Variants in GALNTL6 observed in about 807,000 individuals in gnomAD.
GALNTL6 encodes the protein polypeptide N-acetylgalactosaminyltransferase like 6.
In GALNTL6, 46 loss-of-function variants were observed where a neutral mutation model predicts 73.7. That is an observed-to-expected ratio of 0.62 (90% CI 0.49 to 0.80). The LOEUF (loss-of-function observed/expected upper bound fraction) is 0.80, where lower values mean the gene tolerates loss of function less well. GALNTL6 is among the 30% of genes least tolerant of loss of function. The probability of loss-of-function intolerance (pLI) is 0.00; values close to 1 mark genes in which losing one functional copy is unlikely to be tolerated. For synonymous variants in GALNTL6, 259 were observed against 263.7 expected, an observed-to-expected ratio of 0.98 and a Z score of 0.17; for missense variants, 604 against 755.0, an observed-to-expected ratio of 0.80 and a Z score of 2.34.
chr4:172,038,753 T>C (rs1560895845), intron 2 of GALNTL6, among the ~76,000 whole-genome samples: 2 of 152,146 alleles, frequency 1.3e-5, no homozygotes, highest in African/African-American at 4.8e-5. Flanking sequence ...ATCCATGTGA[T>C]ATATTTTTAA....
chr4:172,761,693 CTCTT>C (rs1336883604), intron 5 of GALNTL6, among the ~76,000 whole-genome samples: 1 of 151,846 alleles, frequency 6.6e-6, no homozygotes, highest in Non-Finnish European at 1.5e-5. Context: ...CTCTCTCTCT[CTCTT>C]TCTCTCTCTC....
At chr4:172,278,241 A>C (rs1218813333) in intron 3 of GALNTL6, among the ~76,000 whole-genome samples, 4 of 152,158 alleles carry the variant, frequency 2.6e-5, no homozygotes, top group Admixed American at 2.0e-4. Flanking sequence ...AAAATGTTTA[A>C]TAAGATATTT....
chr4:172,265,488 T>C (rs1208792653), intron 3 of GALNTL6, among the ~76,000 whole-genome samples: 1 of 152,108 alleles, frequency 6.6e-6, no homozygotes, highest in Non-Finnish European at 1.5e-5. Context: ...AGATTCATCA[T>C]GTACAAAATA....
intron 9 of GALNTL6, among the ~76,000 whole-genome samples, chr4:172,949,931 AAGAAAAG>A (rs1409516546): frequency 6.6e-6 from 1 of 152,060 alleles, no homozygotes; most frequent in Non-Finnish European, 1.5e-5. Context: ...GAAAAAAAGA[AAGAAAAG>A]AAAAAGAAAA....
chr4:172,093,423 T>C (rs1732262884), intron 2 of GALNTL6, among the ~76,000 whole-genome samples: 1 of 152,180 alleles, frequency 6.6e-6, no homozygotes, highest in African/African-American at 2.4e-5. Context: ...TCATACCGTA[T>C]AACATTTTAC....
At chr4:172,943,607 C>A (rs183623204) in intron 9 of GALNTL6, among the ~76,000 whole-genome samples, 290 of 152,274 alleles carry the variant, frequency 1.9e-3, no homozygotes, top group Non-Finnish European at 3.6e-3. Flanking sequence ...CCTCAGGTGG[C>A]ACATTTGAAG....
chr4:172,250,560 A>G (rs1204450267), intron 3 of GALNTL6, among the ~76,000 whole-genome samples: 1 of 152,076 alleles, frequency 6.6e-6, no homozygotes, highest in Admixed American at 6.6e-5. Context: ...GAGGGACCCC[A>G]TAAGATCTGA....
intron 2 of GALNTL6, among the ~76,000 whole-genome samples, chr4:171,981,732 G>A (rs974415074): frequency 5.3e-5 from 8 of 151,942 alleles, no homozygotes; most frequent in African/African-American, 1.9e-4. Context: ...AGAATGCTTA[G>A]CTACTTTCAG....
intron 9 of GALNTL6, among the ~76,000 whole-genome samples, chr4:172,946,930 A>G (rs1437279535): frequency 6.6e-6 from 1 of 152,188 alleles, no homozygotes; most frequent in African/African-American, 2.4e-5. Flanking sequence ...AGAAAGATGA[A>G]TTGCCGGGCA....
chr4:172,884,546 CA>C (rs1745622375), intron 8 of GALNTL6, among the ~76,000 whole-genome samples: 1 of 152,108 alleles, frequency 6.6e-6, no homozygotes, highest in Admixed American at 6.5e-5. Context: ...AGATAGTTTG[CA>C]AACATTTTCT....
chr4:171,855,852 A>G (rs949842672), intron 2 of GALNTL6, among the ~76,000 whole-genome samples: 1 of 152,154 alleles, frequency 6.6e-6, no homozygotes, highest in Admixed American at 6.5e-5. Context: ...AGAATTATCT[A>G]ATGACATATG....
chr4:172,651,909 A>C (rs1029485729), intron 5 of GALNTL6, among the ~76,000 whole-genome samples: 5 of 152,230 alleles, frequency 3.3e-5, no homozygotes, highest in Non-Finnish European at 7.3e-5. Context: ...CTCCGAATTC[A>C]TACCACCATT....
intron 5 of GALNTL6, among the ~76,000 whole-genome samples, chr4:172,387,740 G>A (rs1743522167): frequency 6.6e-6 from 1 of 152,004 alleles, no homozygotes; most frequent in African/African-American, 2.4e-5. Context: ...CCATGATCTT[G>A]TCCCCTGTCT....
chr4:172,440,761 T>C (rs1731806128), intron 5 of GALNTL6, among the ~76,000 whole-genome samples: 1 of 135,462 alleles, frequency 7.4e-6, no homozygotes, highest in Admixed American at 7.9e-5. Context: ...CTAACTTTGC[T>C]GTAAATCTAA....
At chr4:172,949,227 C>A (rs1016673167) in intron 9 of GALNTL6, among the ~76,000 whole-genome samples, 1 of 152,186 alleles carries the variant, frequency 6.6e-6, no homozygotes, top group African/African-American at 2.4e-5. Flanking sequence ...GTTTCTGGAA[C>A]CACACAAGAT....
chr4:172,296,784 C>T (rs951739873), intron 3 of GALNTL6, among the ~76,000 whole-genome samples: 1 of 152,154 alleles, frequency 6.6e-6, no homozygotes, highest in African/African-American at 2.4e-5. Context: ...TGTCTTGGTT[C>T]CAAGTCTTTG....
intron 2 of GALNTL6, among the ~76,000 whole-genome samples, chr4:172,141,038 T>G (rs1330483175): frequency 6.6e-6 from 1 of 152,066 alleles, no homozygotes; most frequent in East Asian, 1.9e-4. Context: ...AACCTATTCA[T>G]AATTTTAATT....
At chr4:172,583,693 A>C (rs1737281629) in intron 5 of GALNTL6, among the ~76,000 whole-genome samples, 1 of 152,026 alleles carries the variant, frequency 6.6e-6, no homozygotes, top group African/African-American at 2.4e-5. Flanking sequence ...CGATGTCAGG[A>C]GTTCGAGACC....
At chr4:172,988,069 A>G (rs1204640443) in intron 10 of GALNTL6, among the ~76,000 whole-genome samples, 1 of 152,234 alleles carries the variant, frequency 6.6e-6, no homozygotes, top group Non-Finnish European at 1.5e-5. Context: ...GGAACTGGAT[A>G]GTGGGCAGAA....
Sources: gnomAD v4.1 joint callset for allele counts (sites outside exome capture counted in the v4.1 genomes callset) on GRCh38, gnomAD v4.1.1 for gene constraint, MANE v1.5 for transcripts, NCBI Gene and HGNC (gene_info 2026-07-23, HGNC 2026-07-21) for gene names.